The following ITFG1 variants were observed in gnomAD, a reference collection of about 807,000 sequenced individuals.
The protein encoded by ITFG1 is T-cell immunomodulatory protein.
In ITFG1, 34 loss-of-function variants were observed where a neutral mutation model predicts 81.8. The ratio of observed to expected loss-of-function variants is 0.42; its 90% CI spans 0.32 to 0.55. The LOEUF is 0.55. Among genes scored for constraint, ITFG1 ranks in the 20% least tolerant of loss-of-function variants. The pLI, the probability that ITFG1 is intolerant of heterozygous loss-of-function variation, is 0.17. For missense variants in ITFG1, 672 were observed against 755.4 expected (o/e 0.89, Z 1.29); for synonymous variants, 285 against 270.6 (o/e 1.05, Z -0.52).
chr16:47,289,612 C>A (rs1966885158), intron 10 of ITFG1, among the ~76,000 whole-genome samples: 1 of 152,066 alleles, frequency 6.6e-6, no homozygotes, highest in African/African-American at 2.4e-5. Context: ...TCCATTTACA[C>A]TAGATTTTCT....
chr16:47,198,166 A>G (rs1203976068), intron 14 of ITFG1, among the ~76,000 whole-genome samples: 1 of 152,262 alleles, frequency 6.6e-6, no homozygotes, highest in Non-Finnish European at 1.5e-5. Context: ...CTATACGTTT[A>G]CTTGAAACAA....
At chr16:47,222,904 T>C (rs1965711249) in intron 13 of ITFG1, among the ~76,000 whole-genome samples, 1 of 152,218 alleles carries the variant, frequency 6.6e-6, no homozygotes, top group Non-Finnish European at 1.5e-5. Context: ...GAGAGTTCTG[T>C]AGATGTCTAT....
chr16:47,345,227 A>T (rs1221260401), intron 8 of ITFG1, among the ~76,000 whole-genome samples: 1 of 152,150 alleles, frequency 6.6e-6, no homozygotes, highest in East Asian at 1.9e-4. Flanking sequence ...TGAGCTACAC[A>T]TGAAATACAC....
intron 14 of ITFG1, among the ~76,000 whole-genome samples, chr16:47,189,659 G>A (rs554912915): frequency 1.3e-5 from 2 of 152,242 alleles, no homozygotes; most frequent in South Asian, 4.1e-4. Flanking sequence ...ATGCTGCTAT[G>A]GACATTCATG....
At chr16:47,270,178 C>G (rs924532607) in intron 10 of ITFG1, among the ~76,000 whole-genome samples, 1 of 151,998 alleles carries the variant, frequency 6.6e-6, no homozygotes, top group Non-Finnish European at 1.5e-5. Context: ...GACACTAAAA[C>G]CATATCTATA....
intron 8 of ITFG1, among the ~76,000 whole-genome samples, chr16:47,342,294 T>C (rs1168262571): frequency 6.6e-6 from 1 of 152,016 alleles, no homozygotes; most frequent in Admixed American, 6.6e-5. Context: ...AAGTGACACA[T>C]AAAAGGCACA....
intron 13 of ITFG1, among the ~76,000 whole-genome samples, chr16:47,226,315 G>C (rs902437597): frequency 6.6e-6 from 1 of 152,182 alleles, no homozygotes; most frequent in Non-Finnish European, 1.5e-5. Context: ...GTTCAAGCAA[G>C]TCTTCTGCCT....
intron 14 of ITFG1, among the ~76,000 whole-genome samples, chr16:47,171,918 T>C (rs1964967815): frequency 6.6e-6 from 1 of 152,196 alleles, no homozygotes; most frequent in South Asian, 2.1e-4. Flanking sequence ...TGCACAGAAT[T>C]TGGTTAGAGA....
chr16:47,438,377 C>A (rs1038451256), intron 5 of ITFG1, among the ~76,000 whole-genome samples: 3 of 152,178 alleles, frequency 2.0e-5, no homozygotes, highest in African/African-American at 7.2e-5. Context: ...TGAGAACAGG[C>A]AGACTGCCTC....
intron 8 of ITFG1, among the ~76,000 whole-genome samples, chr16:47,353,268 A>G (rs1333514164): frequency 1.3e-5 from 2 of 152,156 alleles, no homozygotes; most frequent in East Asian, 3.8e-4. Flanking sequence ...CAGAGGCATA[A>G]AAATGGTTCA....
rs1969422262 is a variant in ITFG1, at chr16:47,454,129, A to T, written c.311T>A (p.Val104Asp). 6.2e-7 allele frequency: 1 copy of T among 1,606,988 alleles called. No individual in the cohort carries two copies. The highest frequency in any genetic ancestry group is 1.1e-5 in the South Asian group (1 of 90,272). The change falls in exon 3 of 18, where the codon GTC (valine) becomes GAC (aspartate). Residue 104 changes from valine (V) to aspartate (D), a missense_variant. Physicochemically the swap from Val to Asp is radical, Grantham distance 152. Around this residue, in one of 3 missense-constraint regions of ITFG1, gnomAD observed 560 missense variants for 625.7 expected, o/e 0.90. Coordinates refer to ENST00000320640, the MANE Select transcript of ITFG1 (RefSeq NM_030790.5). ...AGAATCTCCATCATAATCCCCAGGGACTACACTTGTTATCAATGCACTGTG... is the reference window on the plus strand; with the variant it reads ...AGAATCTCCATCATAATCCCCAGGGTCTACACTTGTTATCAATGCACTGTG... ...KNHSALITSV[V>D]PGDYDGDSQM...
intron 14 of ITFG1, among the ~76,000 whole-genome samples, chr16:47,178,580 A>C (rs1460712239): frequency 1.3e-5 from 2 of 152,198 alleles, no homozygotes; most frequent in Admixed American, 1.3e-4. Context: ...TTAATTCAAG[A>C]TGGATTAAAG....
chr16:47,235,609 C>T, intron 13 of ITFG1, among the ~76,000 whole-genome samples: 1 of 152,146 alleles, frequency 6.6e-6, no homozygotes, highest in East Asian at 1.9e-4. Flanking sequence ...TCTTTCTATA[C>T]ACCTGATAGT....
chr16:47,448,120 T>C (rs1340812212), intron 5 of ITFG1: 1 of 152,166 alleles, frequency 6.6e-6, no homozygotes, highest in Non-Finnish European at 1.5e-5. Flanking sequence ...TGGTTTTATT[T>C]TGTGTTATAA....
chr16:47,241,628 G>T (rs1965934805), intron 12 of ITFG1, among the ~76,000 whole-genome samples: 1 of 152,174 alleles, frequency 6.6e-6, no homozygotes, highest in African/African-American at 2.4e-5. Context: ...TAGATGAGTG[G>T]TTGCCTGGAG....
In ITFG1 at chr16:47,182,716, T is replaced by A. The variant is rs146056752; in HGVS notation, c.1454-20052A>T. Among the ~76,000 whole-genome samples the A allele has an allele frequency of 4.0e-3, 605 of 152,360 alleles. 5 individuals are homozygous for A. The highest frequency in any genetic ancestry group is 5.0e-3 in the Non-Finnish European group (340 of 68,036). Reference sequence around the variant, plus strand: ...GGTGAGGAAATTACCAGATAATTAATAGTACTTAACTTCTAATGTTTTATA... The same window carrying A: ...GGTGAGGAAATTACCAGATAATTAAAAGTACTTAACTTCTAATGTTTTATA... On this transcript the variant is annotated intron_variant, in intron 14 of 17. Transcript: ENST00000320640.
intron 8 of ITFG1, among the ~76,000 whole-genome samples, chr16:47,353,065 A>C (rs1362011855): frequency 6.9e-6 from 1 of 144,884 alleles, no homozygotes; most frequent in Non-Finnish European, 1.5e-5. Flanking sequence ...GTTGTGGGGT[A>C]GGGTGAGGGG....
intron 10 of ITFG1, among the ~76,000 whole-genome samples, chr16:47,287,889 G>A (rs1004080633): frequency 2.0e-5 from 3 of 152,124 alleles, no homozygotes; most frequent in African/African-American, 7.2e-5. Context: ...AACCTCTTCT[G>A]TTAGAAAGCA....
intron 12 of ITFG1, among the ~76,000 whole-genome samples, chr16:47,253,239 A>G (rs1249643895): frequency 6.6e-6 from 1 of 152,188 alleles, no homozygotes; most frequent in Non-Finnish European, 1.5e-5. Context: ...ACTTTTTACT[A>G]CAGAACATTT....
Sources: gnomAD v4.1 joint callset for allele counts (sites outside exome capture counted in the v4.1 genomes callset) on GRCh38, gnomAD v4.1.1 for gene constraint, gnomAD v4.1.1 regional missense constraint, MANE v1.5 for transcripts, NCBI Gene and HGNC (gene_info 2026-07-23, HGNC 2026-07-21) for gene names.